PTPN13: variants seen among roughly 807,000 people sequenced by gnomAD.
PTPN13 encodes the protein protein tyrosine phosphatase non-receptor type 13, also known as tyrosine-protein phosphatase non-receptor type 13.
A neutral mutation model predicts 284.0 loss-of-function variants in PTPN13; 191 were observed. The ratio of observed to expected loss-of-function variants is 0.67; its 90% CI spans 0.60 to 0.76. PTPN13 has a LOEUF of 0.76. Ranked by LOEUF, PTPN13 falls within the 30% of genes least tolerant of loss-of-function variation. The pLI is 0.00. For missense variants in PTPN13, 2,797 were observed against 2,939.9 expected (o/e 0.95, Z 1.12); for synonymous variants, 986 against 1,022.3 (o/e 0.96, Z 0.68).
chr4:86,610,995 A>G (rs1428514328), intron 1 of PTPN13, among the ~76,000 whole-genome samples: 2 of 152,306 alleles, frequency 1.3e-5, no homozygotes, highest in African/African-American at 4.8e-5. Context: ...TGTATAGAAG[A>G]TGATGTCTTA....
intron 7 of PTPN13, among the ~76,000 whole-genome samples, chr4:86,712,986 A>ATTTCC (rs529643875): frequency 1.2e-3 from 182 of 152,280 alleles, no homozygotes; most frequent in African/African-American, 4.1e-3. Context: ...AATTCAGATT[A>ATTTCC]AAATTTATTT....
chr4:86,733,372 A>G (rs1019745493), intron 12 of PTPN13, among the ~76,000 whole-genome samples: 1 of 152,090 alleles, frequency 6.6e-6, no homozygotes, highest in Non-Finnish European at 1.5e-5. Context: ...AAATCATTAT[A>G]TTTATAAATT....
At position 86,788,025 on chromosome 4, in the gene PTPN13, A is replaced by T. The variant is rs954965061; in HGVS notation, c.6345+2089A>T. Among the ~76,000 whole-genome samples, 9 of 152,218 alleles carry T rather than the reference A, an allele frequency of 5.9e-5. No homozygotes were observed. In the South Asian group the frequency reaches 1.9e-3, roughly 32 times the overall value. ...GGGCTAGATAAATTAGTGCTTCCTG[A>T]ATAAATGGGACTTTTGCTTTAGAAT... On this transcript the variant is annotated intron_variant, in intron 40 of 47. Transcript: ENST00000411767.
At chr4:86,628,951 C>A (rs990355388) in intron 1 of PTPN13, among the ~76,000 whole-genome samples, 2 of 151,218 alleles carry the variant, frequency 1.3e-5, no homozygotes, top group Non-Finnish European at 2.9e-5. Context: ...TGAATAGTGC[C>A]GCAATAAACA....
Position 86,814,532 on chromosome 4 carries a change from A to C in PTPN13, c.7439A>C (p.Gln2480Pro). ...CAAGCAGAAGAAGAGCAAAAACAGC[A>C]GCCTCAGCTTCTGAAGTGACATGAA... ...RLQAEEEQKQ[Q>P]PQLLK is the part of the protein sequence containing the mutation. The change falls in exon 48 of 48, where the codon CAG (glutamine) becomes CCG (proline). Residue 2480 changes from glutamine to proline, a missense_variant. Transcript: ENST00000411767. 2 of 1,611,950 alleles carry C rather than the reference A, an allele frequency of 1.2e-6. No individual in the cohort carries two copies. Among genetic ancestry groups the C allele is most frequent in the Non-Finnish European group, 1.7e-6 (2 of 1,178,388 alleles).
At chr4:86,626,080 G>A (rs976476009) in intron 1 of PTPN13, among the ~76,000 whole-genome samples, 4 of 152,098 alleles carry the variant, frequency 2.6e-5, no homozygotes, top group African/African-American at 9.7e-5. Flanking sequence ...CTTCCAGTTG[G>A]TGAAGAGAAA....
chr4:86,745,548 G>A (rs976914484), intron 17 of PTPN13, among the ~76,000 whole-genome samples: 1 of 152,012 alleles, frequency 6.6e-6, no homozygotes, highest in East Asian at 1.9e-4. Context: ...AGGCTGAGGC[G>A]GGTGGATCAC....
intron 1 of PTPN13, among the ~76,000 whole-genome samples, chr4:86,596,144 A>C (rs80210003): frequency 0.046 from 7,044 of 152,162 alleles, 217 homozygotes; most frequent in African/African-American, 0.06. Flanking sequence ...GCTTTGTGGG[A>C]GTATGTGTGG....
chr4:86,809,918 C>T lies in PTPN13; in HGVS notation c.7233C>T (p.Gly2411=), dbSNP rs1745048096. Residue 2411 remains glycine, a synonymous_variant, in exon 46 of 48, where the codon GGC becomes GGT. Coordinates refer to ENST00000411767, the MANE Select transcript of PTPN13 (RefSeq NM_080683.3). ...SGPIITHCSA[G]IGRSGTLICI... Reference sequence around the variant, plus strand: ...CAATCATTACGCACTGCAGTGCTGGCATTGGACGTTCAGGGACCCTGATTT... The same window carrying T: ...CAATCATTACGCACTGCAGTGCTGGTATTGGACGTTCAGGGACCCTGATTT... 6.2e-7 allele frequency: 1 copy of T among 1,613,964 alleles called. No individual in the cohort carries two copies. Among genetic ancestry groups the T allele is most frequent in the South Asian group, 1.1e-5 (1 of 91,068 alleles).
chr4:86,786,021 C>A (rs982601084), intron 40 of PTPN13, 85 bp downstream of exon 40: 7 of 678,780 alleles, frequency 1.0e-5, no homozygotes, highest in African/African-American at 5.6e-5. Flanking sequence ...ATCAGAGATT[C>A]TTTCCTGTTT....
intron 17 of PTPN13, among the ~76,000 whole-genome samples, chr4:86,749,942 T>C (rs1737199549): frequency 6.6e-6 from 1 of 152,218 alleles, no homozygotes; most frequent in Non-Finnish European, 1.5e-5. Context: ...CATTCATCCA[T>C]TTAAAGTATG....
At chr4:86,801,829 T>C (rs554063955) in intron 42 of PTPN13, among the ~76,000 whole-genome samples, 1 of 152,276 alleles carries the variant, frequency 6.6e-6, no homozygotes, top group Non-Finnish European at 1.5e-5. Flanking sequence ...CTAAGAAATA[T>C]CTGAAATATG....
chr4:86,766,314 C>A, intron 26 of PTPN13, 118 bp from the exon 27 acceptor site: 1 of 700,528 alleles, frequency 1.4e-6, no homozygotes, highest in Admixed American at 3.1e-5. Flanking sequence ...CTCTGTAACA[C>A]AATTTCTTCC....
intron 3 of PTPN13, among the ~76,000 whole-genome samples, chr4:86,680,379 A>G (rs1728755282): frequency 6.6e-6 from 1 of 150,782 alleles, no homozygotes; most frequent in African/African-American, 2.4e-5. Flanking sequence ...CTATCTATCT[A>G]TCTATCTATC....
intron 42 of PTPN13, among the ~76,000 whole-genome samples, chr4:86,802,711 G>A (rs1487751154): frequency 6.6e-6 from 1 of 152,052 alleles, no homozygotes; most frequent in African/African-American, 2.4e-5. Context: ...GGTGAGAATG[G>A]GCTGAAATTA....
At chr4:86,664,404 T>G (rs1350087926) in intron 2 of PTPN13, among the ~76,000 whole-genome samples, 1 of 152,092 alleles carries the variant, frequency 6.6e-6, no homozygotes, top group Non-Finnish European at 1.5e-5. Flanking sequence ...TCAAAATTTT[T>G]GTGTGTGTGT....
intron 40 of PTPN13, among the ~76,000 whole-genome samples, chr4:86,789,582 G>A (rs540086171): frequency 6.6e-6 from 1 of 152,294 alleles, no homozygotes; most frequent in Non-Finnish European, 1.5e-5. Flanking sequence ...TCAAGGAGAT[G>A]TCTCCTCTAC....
At chr4:86,664,416 G>A (rs1376693134) in intron 2 of PTPN13, among the ~76,000 whole-genome samples, 1 of 152,102 alleles carries the variant, frequency 6.6e-6, no homozygotes, top group Non-Finnish European at 1.5e-5. Flanking sequence ...TGTGTGTGTG[G>A]TCAGCAAAGT....
At position 86,688,977 on chromosome 4, in the gene PTPN13, C is replaced by T. The variant is rs200088814; in HGVS notation, c.361-28C>T. ...GAAAAAATATTTGCTCACATTTACTCACTGGCTTTTCCTTTATTTATATTC... is the reference window on the plus strand; with the variant it reads ...GAAAAAATATTTGCTCACATTTACTTACTGGCTTTTCCTTTATTTATATTC... On this transcript the variant is annotated intron_variant, in intron 4 of 47. Coordinates refer to ENST00000411767, the MANE Select transcript of PTPN13 (RefSeq NM_080683.3). The T allele has an allele frequency of 1.0e-3, 1,528 of 1,513,404 alleles. 2 individuals are homozygous for T. The highest frequency in any genetic ancestry group is 1.3e-3 in the Non-Finnish European group (1,448 of 1,090,620). 93.7% of individuals were successfully genotyped at this position (1,513,404 alleles called of 1,614,324 possible).
Sources: gnomAD v4.1 joint callset for allele counts (sites outside exome capture counted in the v4.1 genomes callset) on GRCh38, gnomAD v4.1.1 for gene constraint, MANE v1.5 for transcripts, NCBI Gene and HGNC (gene_info 2026-07-23, HGNC 2026-07-21) for gene names.